Variants in AP4E1 observed in about 807,000 individuals in gnomAD.
AP4E1 encodes AP-4 complex subunit epsilon-1.
A neutral mutation model predicts 128.2 loss-of-function variants in AP4E1; 56 were observed. The ratio of observed to expected loss-of-function variants is 0.44; its 90% CI spans 0.35 to 0.55. The LOEUF (loss-of-function observed/expected upper bound fraction) is 0.55. Ranked by LOEUF, AP4E1 falls within the 20% of genes least tolerant of loss-of-function variation. The pLI is 0.00. For synonymous variants in AP4E1, 484 were observed against 473.1 expected (o/e 1.02, Z -0.30); for missense variants, 1,324 against 1,307.7 (o/e 1.01, Z -0.19).
At chr15:50,950,652 A>T (rs548485859) in intron 13 of AP4E1, among the ~76,000 whole-genome samples, 49 of 151,940 alleles carry the variant, frequency 3.2e-4, no homozygotes, top group African/African-American at 1.2e-3. Context: ...CCTGTGCAGG[A>T]TGTGTAGGTT....
intron 15 of AP4E1, among the ~76,000 whole-genome samples, chr15:50,973,963 A>G (rs925249410): frequency 5.9e-5 from 9 of 152,192 alleles, no homozygotes; most frequent in African/African-American, 2.2e-4. Flanking sequence ...AGCATATAGT[A>G]GTTGTATTTT....
At chr15:50,939,700 T>C in intron 8 of AP4E1, among the ~76,000 whole-genome samples, 1 of 152,198 alleles carries the variant, frequency 6.6e-6, no homozygotes, top group East Asian at 1.9e-4. Context: ...CATCTGAATA[T>C]AAACGTTTAA....
chr15:50,948,201 ATGCAGTGACTT>A lies in AP4E1; in HGVS notation c.1316+44_1316+54del, dbSNP rs144809125. On this transcript the variant is annotated intron_variant, in intron 11 of 20. Transcript: ENST00000261842. ...ACCATGAGTCTTAAAATAGTTAGTT[ATGCAGTGACTT>A]TAAGATGATTGGTATAGATATGGTC... 382,886 of 1,607,844 alleles carry A rather than the reference ATGCAGTGACTT, an allele frequency of 0.24. 48,422 individuals are homozygous for A. The highest frequency in any genetic ancestry group is 0.41 in the East Asian group (18,310 of 44,642).
At position 50,985,126 on chromosome 15, in the gene AP4E1, A is replaced by G. The variant is rs540057399; in HGVS notation, c.2090+981A>G. Among the ~76,000 whole-genome samples, 508 of 152,228 alleles carry G rather than the reference A, an allele frequency of 3.3e-3. 3 individuals carry two copies. Among genetic ancestry groups the G allele is most frequent in the Middle Eastern group, 0.01 (3 of 294 alleles). On this transcript the variant is annotated intron_variant, in intron 16 of 20. Transcript: ENST00000261842. ...GTCTTCTTTTGAGAAGTGTCTGTTCATATCCTTCACCCACTTTTTGATGGG... is the reference window on the plus strand; with the variant it reads ...GTCTTCTTTTGAGAAGTGTCTGTTCGTATCCTTCACCCACTTTTTGATGGG...
In AP4E1 at chr15:50,993,597, G is replaced by C; in HGVS notation, c.2318G>C (p.Gly773Ala). ...KQLLASSLFVGLGSESTINLL... is the reference protein window; with the variant it reads ...KQLLASSLFVALGSESTINLL... ...CTGCTGGCATCATCATTATTTGTTG[G>C]TCTAGGATCAGAAAGTACAATCAAC... Residue 773 changes from glycine to alanine, a missense_variant, in exon 17 of 21, where the codon GGT becomes GCT. By Grantham distance (60) the Gly-to-Ala change is moderately conservative. Coordinates refer to ENST00000261842, the MANE Select transcript of AP4E1 (RefSeq NM_007347.5). 6.2e-7 allele frequency: 1 copy of C among 1,613,912 alleles called. No individual in the cohort carries two copies. The highest frequency in any genetic ancestry group is 8.5e-7 in the Non-Finnish European group (1 of 1,179,884).
At chr15:50,986,215 T>G (rs905368094) in intron 16 of AP4E1, among the ~76,000 whole-genome samples, 1 of 152,048 alleles carries the variant, frequency 6.6e-6, no homozygotes, top group African/African-American at 2.4e-5. Context: ...GGGCTGAGAC[T>G]GTGGGGTTTT....
chr15:50,957,937 G>T lies in AP4E1; in HGVS notation c.1549-555G>T, dbSNP rs552476184. Among the ~76,000 whole-genome samples the T allele has an allele frequency of 2.6e-5, 4 of 152,138 alleles. No individual in the cohort carries two copies. In the East Asian group the frequency reaches 7.7e-4, roughly 29 times the overall value. ...TCCACCCGCCTCGGCCTCCCAAAGT[G>T]CTGGGATTACAGGTGTGAGCCACCA... is the stretch of plus-strand genomic sequence containing the variant. On this transcript the variant is annotated intron_variant, in intron 13 of 20. Transcript: ENST00000261842.
upstream of AP4E1, chr15:50,908,590 G>A (rs913626882): frequency 5.2e-5 from 35 of 669,816 alleles, no homozygotes; most frequent in African/African-American, 4.6e-4. Flanking sequence ...CCACCCCCGC[G>A]GTCTCTTGCG....
At chr15:50,946,019 T>G (rs2064057407) in intron 10 of AP4E1, 1 of 882,154 alleles carries the variant, frequency 1.1e-6, no homozygotes, top group African/African-American at 1.7e-5. Context: ...CTAACAATCC[T>G]GATGTACAAT....
At chr15:50,911,938 G>A in intron 1 of AP4E1, 140 bp from the exon 2 acceptor site, 1 of 727,248 alleles carries the variant, frequency 1.4e-6, no homozygotes, top group Non-Finnish European at 2.4e-6. Flanking sequence ...ATCGTAAGCA[G>A]ATAGTATTTG....
At chr15:50,911,742 T>C (rs1415625959) in intron 1 of AP4E1, among the ~76,000 whole-genome samples, 9 of 152,158 alleles carry the variant, frequency 5.9e-5, no homozygotes, top group African/African-American at 2.2e-4. Context: ...CCTCCCAAAG[T>C]GCTGGGATTA....
chr15:50,924,958 A>G, intron 4 of AP4E1, 140 bp from the exon 5 acceptor site: 1 of 1,028,522 alleles, frequency 9.7e-7, no homozygotes, highest in Non-Finnish European at 1.4e-6. Flanking sequence ...TTGCAATAAA[A>G]TATGCCATAA....
chr15:50,950,233 T>C, intron 13 of AP4E1, 64 bp downstream of exon 13: 2 of 1,173,584 alleles, frequency 1.7e-6, no homozygotes, highest in Non-Finnish European at 2.5e-6. Flanking sequence ...AATGTTAACA[T>C]ATTTTCTTCA....
chr15:50,929,093 G>A lies in AP4E1; in HGVS notation c.627G>A (p.Lys209=). Residue 209 remains lysine (K), a synonymous_variant, in exon 6 of 21, where the codon AAG becomes AAA. Transcript: ENST00000261842. ...APNQVQHIHI[K]FRKALCDRDV... ...ATCAAGTACAACATATTCATATTAAGTTTCGGAAAGCACTTTGTGACAGAG... is the reference window on the plus strand; with the variant it reads ...ATCAAGTACAACATATTCATATTAAATTTCGGAAAGCACTTTGTGACAGAG... 6.2e-7 allele frequency: 1 copy of A among 1,613,836 alleles called. No homozygotes were observed. Among genetic ancestry groups the A allele is most frequent in the African/African-American group, 1.3e-5 (1 of 74,992 alleles).
At chr15:50,930,994 G>T (rs201420382) in intron 7 of AP4E1, 23 bp downstream of exon 7, 280 of 1,613,408 alleles carry the variant, frequency 1.7e-4, no homozygotes, top group East Asian at 2.5e-4. Flanking sequence ...CAGTAAGTTT[G>T]CTTAATGACC....
intron 2 of AP4E1, among the ~76,000 whole-genome samples, chr15:50,912,573 A>G (rs1452339697): frequency 6.6e-6 from 1 of 152,232 alleles, no homozygotes; most frequent in Non-Finnish European, 1.5e-5. Flanking sequence ...AACAATATTC[A>G]GCAACTATTT....
intron 20 of AP4E1, 126 bp from the exon 21 acceptor site, chr15:51,002,376 C>T (rs1412380840): frequency 1.0e-6 from 1 of 970,042 alleles, no homozygotes; most frequent in Non-Finnish European, 1.6e-6. Context: ...AATTTGCAGT[C>T]TCCTTAGTGG....
At chr15:50,943,331 A>G (rs1449921528) in intron 10 of AP4E1, among the ~76,000 whole-genome samples, 1 of 152,192 alleles carries the variant, frequency 6.6e-6, no homozygotes, top group Non-Finnish European at 1.5e-5. Context: ...CTATTACATT[A>G]AACAACTATA....
chr15:50,913,192 G>C (rs1475416665), intron 2 of AP4E1, among the ~76,000 whole-genome samples: 1 of 152,006 alleles, frequency 6.6e-6, no homozygotes, highest in Non-Finnish European at 1.5e-5. Context: ...ATAGTATGTG[G>C]CAAATAAAAC....
Sources: gnomAD v4.1 joint callset for allele counts (sites outside exome capture counted in the v4.1 genomes callset) on GRCh38, gnomAD v4.1.1 for gene constraint, MANE v1.5 for transcripts, NCBI Gene and HGNC (gene_info 2026-07-23, HGNC 2026-07-21) for gene names.